Variants in RABGAP1L observed in about 807,000 individuals in gnomAD.
RABGAP1L encodes the protein RAB GTPase activating protein 1 like.
In RABGAP1L, 63 loss-of-function variants were observed where a neutral mutation model predicts 137.7. The ratio of observed to expected loss-of-function variants is 0.46; its 90% confidence interval spans 0.37 to 0.56. The LOEUF (loss-of-function observed/expected upper bound fraction) is 0.56, where lower values mean the gene tolerates loss of function less well. Among genes scored for constraint, RABGAP1L ranks in the 20% least tolerant of loss-of-function variants. The probability of loss-of-function intolerance (pLI) is 0.00; values close to 1 mark genes in which losing one functional copy is unlikely to be tolerated. For synonymous variants in RABGAP1L, 431 were observed against 433.7 expected (o/e 0.99, Z 0.08); for missense variants, 1,095 against 1,244.0 (o/e 0.88, Z 1.80).
At chr1:174,783,255 A>G (rs1687164237) in intron 18 of RABGAP1L, among the ~76,000 whole-genome samples, 1 of 152,178 alleles carries the variant, frequency 6.6e-6, no homozygotes, top group South Asian at 2.1e-4. Context: ...GCCAAACACT[A>G]GTCGCTGGGT....
In RABGAP1L at chr1:174,686,648, C is replaced by CTTTTTTTTTTTTTTTTTTTTTTTT. The variant is rs533716511; in HGVS notation, c.1899+3056_1899+3079dup. ...GAAGCTTTGGTTTGAACAAAGCAAT[C>CTTTTTTTTTTTTTTTTTTTTTTTT]TTTTTTTTTTTTTTTTTTTTTTTTT... On this transcript the variant is annotated intron_variant, in intron 15 of 25. Transcript: ENST00000681986. Among the ~76,000 whole-genome samples, 3 of 105,770 alleles carry CTTTTTTTTTTTTTTTTTTTTTTTT rather than the reference C, an allele frequency of 2.8e-5. 1 individual carries two copies. The allele number at this position is 105,770 out of a possible 152,430, so 69.4% of individuals were successfully genotyped here. A position where few individuals can be genotyped will look rare whatever the true frequency, so the allele number is the denominator to read the frequency against.
At chr1:174,666,755 A>G (rs1311778473) in intron 14 of RABGAP1L, among the ~76,000 whole-genome samples, 1 of 152,188 alleles carries the variant, frequency 6.6e-6, no homozygotes, top group African/African-American at 2.4e-5. Context: ...TGTATTTCTT[A>G]TAGCAACCCA....
intron 13 of RABGAP1L, among the ~76,000 whole-genome samples, chr1:174,407,295 C>CT (rs1345592642): frequency 2.7e-5 from 4 of 148,436 alleles, no homozygotes; most frequent in Non-Finnish European, 3.0e-5. Flanking sequence ...TTTTGTGTCT[C>CT]TTTATGTTTT....
chr1:174,958,070 T>A, intron 20 of RABGAP1L: 1 of 1,522,592 alleles, frequency 6.6e-7, no homozygotes, highest in Non-Finnish European at 8.8e-7. Flanking sequence ...TTTTAGCAGG[T>A]GAACTGTTCC....
At chr1:174,800,645 T>G in intron 18 of RABGAP1L, 8 of 1,212,126 alleles carry the variant, frequency 6.6e-6, no homozygotes, top group Non-Finnish European at 9.0e-6. Flanking sequence ...GAGTGGCCAC[T>G]GTTGTGCAGC....
At chr1:174,502,612 GTA>G (rs546373628) in intron 13 of RABGAP1L, among the ~76,000 whole-genome samples, 1 of 116,286 alleles carries the variant, frequency 8.6e-6, no homozygotes, top group African/African-American at 3.6e-5. Flanking sequence ...ATATATGTGT[GTA>G]TATATATGTA....
At chr1:174,219,419 TTATCCAGACCCTAA>T in intron 2 of RABGAP1L, 124 bp downstream of exon 2, 1 of 673,128 alleles carries the variant, frequency 1.5e-6, no homozygotes, top group Non-Finnish European at 2.2e-6. Context: ...AATGTTTGAT[TTATCCAGACCCTAA>T]TTATTTGGTT....
chr1:174,791,863 G>A (rs753913026), intron 18 of RABGAP1L, among the ~76,000 whole-genome samples: 2 of 152,184 alleles, frequency 1.3e-5, no homozygotes, highest in African/African-American at 2.4e-5. Flanking sequence ...TATAACAACT[G>A]TGTGTTTAGA....
intron 13 of RABGAP1L, among the ~76,000 whole-genome samples, chr1:174,506,357 A>T (rs1661813776): frequency 6.6e-6 from 1 of 152,236 alleles, no homozygotes; most frequent in Non-Finnish European, 1.5e-5. Flanking sequence ...TATACGGCCC[A>T]CAAAGCCTAA....
At chr1:174,382,933 G>C (rs1686301919) in intron 12 of RABGAP1L, among the ~76,000 whole-genome samples, 1 of 151,052 alleles carries the variant, frequency 6.6e-6, no homozygotes, top group East Asian at 1.9e-4. Context: ...ATGTACTTTT[G>C]GTCTTTGATG....
chr1:174,570,062 A>G (rs1185614220), intron 13 of RABGAP1L, among the ~76,000 whole-genome samples: 1 of 152,206 alleles, frequency 6.6e-6, no homozygotes, highest in Non-Finnish European at 1.5e-5. Context: ...GTGCTTTTAG[A>G]TGCTGCATGT....
rs1437566212 is a variant in RABGAP1L at position 174,234,564 on chromosome 1, A to C, written c.542+3209A>C. Among the ~76,000 whole-genome samples, 3 of 136,674 alleles carry C rather than the reference A, an allele frequency of 2.2e-5. 1 individual carries two copies. Among genetic ancestry groups the C allele is most frequent in the African/African-American group, 1.1e-4 (3 of 27,100 alleles). The allele number at this position is 136,674 out of a possible 152,430, so 89.7% of individuals were successfully genotyped here. A position where few individuals can be genotyped will look rare whatever the true frequency, so the allele number is the denominator to read the frequency against. ...CTTCTTTTTCTCAGGTTTGTCAAAG[A>C]TCAGATAGTTGTAGGTATGCGGCAT... is the stretch of plus-strand genomic sequence containing the variant. On this transcript the variant is annotated intron_variant, in intron 4 of 25. Transcript: ENST00000681986.
chr1:174,665,863 C>G (rs1002882164), intron 14 of RABGAP1L, among the ~76,000 whole-genome samples: 3 of 152,146 alleles, frequency 2.0e-5, no homozygotes, highest in Non-Finnish European at 4.4e-5. Context: ...ATAAATGGAA[C>G]AGTAGAGTAG....
rs114546760 is a variant in RABGAP1L at position 174,322,127 on chromosome 1, C to T, written c.1465+17000C>T. Among the ~76,000 whole-genome samples the T allele has an allele frequency of 3.0e-3, 455 of 152,058 alleles. 3 individuals are homozygous for T. Among genetic ancestry groups the T allele is most frequent in the Non-Finnish European group, 5.1e-3 (348 of 67,980 alleles). On this transcript the variant is annotated intron_variant, in intron 11 of 25. Transcript: ENST00000681986. ...AATTCTTTTCCTTTATGATTTATAT[C>T]TTTTGTGTCGTAATAAATCCTTGCC...
intron 5 of RABGAP1L, among the ~76,000 whole-genome samples, chr1:174,243,501 G>A (rs1166840283): frequency 6.6e-6 from 1 of 152,052 alleles, no homozygotes; most frequent in East Asian, 1.9e-4. Context: ...CTTATTATGA[G>A]ACATTATTTC....
At chr1:174,525,445 A>G (rs1351592785) in intron 13 of RABGAP1L, among the ~76,000 whole-genome samples, 2 of 151,410 alleles carry the variant, frequency 1.3e-5, no homozygotes, top group Non-Finnish European at 3.0e-5. Flanking sequence ...TGGCTATTTC[A>G]TTATTGGTGT....
At chr1:174,297,682 G>T (rs771158249) in intron 10 of RABGAP1L, among the ~76,000 whole-genome samples, 1 of 152,182 alleles carries the variant, frequency 6.6e-6, no homozygotes, top group Non-Finnish European at 1.5e-5. Context: ...ACCTATCTAA[G>T]GGTTTCCAGC....
chr1:174,810,700 A>G (rs1689784075), intron 18 of RABGAP1L, among the ~76,000 whole-genome samples: 1 of 152,174 alleles, frequency 6.6e-6, no homozygotes, highest in South Asian at 2.1e-4. Flanking sequence ...AATCTATAAT[A>G]TGTATCACAG....
At position 174,616,226 on chromosome 1, in the gene RABGAP1L, C is replaced by T. The variant is rs570319988; in HGVS notation, c.1711-21149C>T. Among the ~76,000 whole-genome samples the T allele has an allele frequency of 2.0e-5, 3 of 152,292 alleles. No individual in the cohort carries two copies. In the East Asian group the frequency reaches 5.8e-4, roughly 29 times the overall value. Reference sequence around the variant, plus strand: ...TCCTATTCGGCCATTTTGGGTGCCCCCCGTTGGTATGCGGTTTGCTGTGAA... The same window carrying T: ...TCCTATTCGGCCATTTTGGGTGCCCTCCGTTGGTATGCGGTTTGCTGTGAA... On this transcript the variant is annotated intron_variant, in intron 13 of 25. Coordinates refer to ENST00000681986, the MANE Select transcript of RABGAP1L (RefSeq NM_001366446.1).
Sources: gnomAD v4.1 joint callset for allele counts (sites outside exome capture counted in the v4.1 genomes callset) on GRCh38, gnomAD v4.1.1 for gene constraint, MANE v1.5 for transcripts, NCBI Gene and HGNC (gene_info 2026-07-23, HGNC 2026-07-21) for gene names.